The following VBP1 variants were observed in gnomAD, a reference collection of about 807,000 sequenced individuals.
VBP1 encodes the protein prefoldin subunit 3.
Under a neutral mutation model 15.5 loss-of-function variants are expected in VBP1, and 4 were observed. The observed-to-expected ratio is 0.26, with a 90% CI of 0.13 to 0.59. The LOEUF (loss-of-function observed/expected upper bound fraction) is 0.59. Among genes scored for constraint, VBP1 ranks in the 20% least tolerant of loss-of-function variants. The pLI, the probability that VBP1 is intolerant of heterozygous loss-of-function variation, is 0.90. For synonymous variants in VBP1, 61 were observed against 52.1 expected (o/e 1.17, Z -0.74); for missense variants, 108 against 139.6 (o/e 0.77, Z 1.14).
At chrX:155,208,292 GAAGAGT>G (rs2074632779) in intron 1 of VBP1, among the ~76,000 whole-genome samples, 1 of 112,166 alleles carries the variant, frequency 8.9e-6, no homozygotes, top group African/African-American at 3.2e-5. Context: ...AAAGTAACTA[GAAGAGT>G]AAAACAAACT....
upstream of VBP1, chrX:155,216,332 C>A: frequency 9.2e-7 from 1 of 1,092,630 alleles, no homozygotes; most frequent in Admixed American, 3.2e-5. Context: ...TACTTTCGGC[C>A]AAAGGAGAAC....
chrX:155,212,181 C>G (rs1471589897), upstream of VBP1, among the ~76,000 whole-genome samples: 1 of 112,104 alleles, frequency 8.9e-6, no homozygotes, highest in Non-Finnish European at 1.9e-5. Context: ...CACCATCTCT[C>G]CCAATTATTA....
chrX:155,224,101 G>A (rs2074706791), intron 2 of VBP1, among the ~76,000 whole-genome samples: 1 of 107,208 alleles, frequency 9.3e-6, no homozygotes, highest in Admixed American at 9.8e-5. Flanking sequence ...TGGAAGAGGC[G>A]CTCCTCACTT....
At chrX:155,200,260 T>G (rs1198960067) in intron 1 of VBP1, among the ~76,000 whole-genome samples, 2 of 106,682 alleles carry the variant, frequency 1.9e-5, no homozygotes, top group African/African-American at 6.9e-5. Flanking sequence ...CAAGCGGACC[T>G]AATAGACATC....
intron 4 of VBP1, among the ~76,000 whole-genome samples, chrX:155,233,971 T>A (rs1463918029): frequency 9.0e-6 from 1 of 110,660 alleles, no homozygotes; most frequent in Non-Finnish European, 1.9e-5. Context: ...ACCGGAGAAA[T>A]AGAACCAGTA....
intron 4 of VBP1, among the ~76,000 whole-genome samples, chrX:155,230,529 A>C (rs1404745369): frequency 9.0e-6 from 1 of 111,604 alleles, no homozygotes; most frequent in Non-Finnish European, 1.9e-5. Context: ...TCTTTCCAGC[A>C]CAGTGGTCAG....
intron 1 of VBP1, among the ~76,000 whole-genome samples, chrX:155,202,981 T>C (rs2074611519): frequency 9.0e-6 from 1 of 111,402 alleles, no homozygotes; most frequent in Non-Finnish European, 1.9e-5. Context: ...AAGAAGACAT[T>C]TATGCAGCCA....
At chrX:155,226,705 C>T (rs1481040960) in intron 2 of VBP1, among the ~76,000 whole-genome samples, 1 of 112,006 alleles carries the variant, frequency 8.9e-6, no homozygotes, top group African/African-American at 3.2e-5. Context: ...ATGCACACAC[C>T]AGGAGTAGCT....
intron 2 of VBP1, among the ~76,000 whole-genome samples, chrX:155,224,132 A>G (rs1189413415): frequency 1.0e-5 from 1 of 97,537 alleles, no homozygotes; most frequent in Admixed American, 1.1e-4. Flanking sequence ...GCGGCCGGGC[A>G]GAGGGGCTCC....
intron 1 of VBP1, among the ~76,000 whole-genome samples, chrX:155,202,574 G>T (rs1368097695): frequency 1.8e-5 from 2 of 108,695 alleles, no homozygotes; most frequent in African/African-American, 6.8e-5. Flanking sequence ...GCTGAAACTG[G>T]ATCCCTTCCT....
chrX:155,203,722 C>T (rs1386980421), intron 1 of VBP1, among the ~76,000 whole-genome samples: 6 of 109,739 alleles, frequency 5.5e-5, no homozygotes, highest in African/African-American at 2.0e-4. Context: ...AACTAACCTG[C>T]ACATTGTGCA....
At chrX:155,224,079 G>A (rs782541363) in intron 2 of VBP1, among the ~76,000 whole-genome samples, 53 of 109,591 alleles carry the variant, frequency 4.8e-4, no homozygotes, top group African/African-American at 1.0e-3. Context: ...CTTCCTAGAC[G>A]GGATGACGGC....
At chrX:155,208,353 T>A (rs1557308247) in intron 1 of VBP1, among the ~76,000 whole-genome samples, 1 of 112,777 alleles carries the variant, frequency 8.9e-6, no homozygotes, top group African/African-American at 3.2e-5. Flanking sequence ...GTCCTTGACC[T>A]GATGTGCTTG....
chrX:155,228,274 T>C, intron 3 of VBP1, 110 bp from the exon 4 acceptor site: 1 of 588,460 alleles, frequency 1.7e-6, no homozygotes. Flanking sequence ...TTAGCCTGCA[T>C]GATGGTACTG....
At chrX:155,215,864 T>C (rs1275157304), upstream of VBP1, among the ~76,000 whole-genome samples, 1 of 111,929 alleles carries the variant, frequency 8.9e-6, no homozygotes, top group Non-Finnish European at 1.9e-5. Flanking sequence ...CTATGAAGTT[T>C]TGGAAACGTT....
intron 1 of VBP1, among the ~76,000 whole-genome samples, chrX:155,208,112 C>T (rs1355386199): frequency 1.8e-5 from 2 of 111,977 alleles, no homozygotes; most frequent in African/African-American, 3.2e-5. Context: ...TAAGCCATGC[C>T]AAGGAGTTTA....
intron 2 of VBP1, among the ~76,000 whole-genome samples, chrX:155,226,370 T>A (rs1007354201): frequency 3.1e-4 from 35 of 112,345 alleles, no homozygotes; most frequent in African/African-American, 1.1e-3. Flanking sequence ...AGCTATCATA[T>A]AACTTATCCA....
intron 2 of VBP1, among the ~76,000 whole-genome samples, chrX:155,225,384 G>T (rs1222424122): frequency 1.8e-5 from 2 of 111,501 alleles, no homozygotes; most frequent in African/African-American, 6.5e-5. Context: ...TTTTTTAGTA[G>T]AGACTGAGTT....
chrX:155,228,549 T>G (rs2074730789), intron 4 of VBP1, 67 bp downstream of exon 4: 1 of 916,144 alleles, frequency 1.1e-6, no homozygotes, highest in South Asian at 2.3e-5. Flanking sequence ...GCAAACACAC[T>G]GGTTTTGCTA....
Sources: gnomAD v4.1 joint callset for allele counts (sites outside exome capture counted in the v4.1 genomes callset) on GRCh38, gnomAD v4.1.1 for gene constraint, MANE v1.5 for transcripts, NCBI Gene and HGNC (gene_info 2026-07-23, HGNC 2026-07-21) for gene names.